Variants in AKR1C8 observed in about 807,000 individuals in gnomAD.
AKR1C8 encodes aldo-keto reductase family 1 member C8.
At chr10:5,120,915 GC>G in the AKR1C8 span, among the ~76,000 whole-genome samples, 1 of 152,032 alleles carries the variant, frequency 6.6e-6, no homozygotes, top group Non-Finnish European at 1.5e-5. Context: ...TTGCTAAGCA[GC>G]AAAATGAGCA....
chr10:5,169,358 T>C, the AKR1C8 span, among the ~76,000 whole-genome samples: 1 of 152,170 alleles, frequency 6.6e-6, no homozygotes, highest in Non-Finnish European at 1.5e-5. Flanking sequence ...GGGGAGACTT[T>C]CTTGGTGTTG....
the AKR1C8 span, among the ~76,000 whole-genome samples, chr10:5,124,223 T>G: frequency 1.3e-5 from 2 of 152,144 alleles, no homozygotes; most frequent in African/African-American, 4.8e-5. Flanking sequence ...TATAGGAATA[T>G]TACTAGTAAT....
the AKR1C8 span, among the ~76,000 whole-genome samples, chr10:5,143,098 C>T: frequency 6.6e-6 from 1 of 151,976 alleles, no homozygotes; most frequent in African/African-American, 2.4e-5. Context: ...CTGGGTGTAC[C>T]TGTGAGGATG....
the AKR1C8 span, among the ~76,000 whole-genome samples, chr10:5,117,434 T>C: frequency 3.9e-5 from 6 of 152,094 alleles, 1 homozygote; most frequent in Non-Finnish European, 7.4e-5. Flanking sequence ...TGGGGTAGGA[T>C]TGATACCCTC....
At chr10:5,124,156 G>A in the AKR1C8 span, among the ~76,000 whole-genome samples, 2 of 152,124 alleles carry the variant, frequency 1.3e-5, no homozygotes, top group Non-Finnish European at 2.9e-5. Flanking sequence ...GTGCCAGAAA[G>A]TAAAAATTTC....
the AKR1C8 span, among the ~76,000 whole-genome samples, chr10:5,174,252 T>A: frequency 7.0e-6 from 1 of 143,458 alleles, no homozygotes; most frequent in Non-Finnish European, 1.5e-5. Context: ...GTCTATAGAG[T>A]CATATATATG....
At chr10:5,168,127 C>T in the AKR1C8 span, among the ~76,000 whole-genome samples, 1 of 152,022 alleles carries the variant, frequency 6.6e-6, no homozygotes, top group Non-Finnish European at 1.5e-5. Context: ...TTAATACTAT[C>T]CAACAACTAG....
chr10:5,127,232 A>G, the AKR1C8 span, among the ~76,000 whole-genome samples: 1 of 152,146 alleles, frequency 6.6e-6, no homozygotes, highest in Non-Finnish European at 1.5e-5. Context: ...AAAAAAATTC[A>G]GGATATAAAT....
chr10:5,161,582 A>G, the AKR1C8 span: 11 of 415,166 alleles, frequency 2.6e-5, no homozygotes, highest in Non-Finnish European at 4.8e-5. Flanking sequence ...TGAGAAATAC[A>G]GTGCAATGCC....
the AKR1C8 span, among the ~76,000 whole-genome samples, chr10:5,164,378 C>T: frequency 6.6e-6 from 1 of 151,874 alleles, no homozygotes; most frequent in African/African-American, 2.4e-5. Context: ...TAACCTCACC[C>T]TTTGTGTCCA....
At chr10:5,151,993 A>G in the AKR1C8 span, among the ~76,000 whole-genome samples, 3 of 152,204 alleles carry the variant, frequency 2.0e-5, no homozygotes, top group Non-Finnish European at 4.4e-5. Context: ...GTCTGTACTC[A>G]TGCAGGCTGG....
the AKR1C8 span, among the ~76,000 whole-genome samples, chr10:5,164,408 T>C: frequency 1.5e-3 from 225 of 152,132 alleles, 1 homozygote; most frequent in African/African-American, 5.1e-3. Flanking sequence ...TGGTGGTAAG[T>C]CAAAAAACTT....
At chr10:5,150,000 C>T in the AKR1C8 span, among the ~76,000 whole-genome samples, 3 of 152,018 alleles carry the variant, frequency 2.0e-5, no homozygotes, top group Non-Finnish European at 2.9e-5. Context: ...AAAGAATCAG[C>T]AGTAATTTAA....
the AKR1C8 span, among the ~76,000 whole-genome samples, chr10:5,134,038 A>T: frequency 0.39 from 59,352 of 151,756 alleles, 12,370 homozygotes; most frequent in Non-Finnish European, 0.43. Flanking sequence ...GAAGATTTGA[A>T]AGGTACATTT....
chr10:5,159,192 G>T, the AKR1C8 span, among the ~76,000 whole-genome samples: 1 of 152,176 alleles, frequency 6.6e-6, no homozygotes, highest in African/African-American at 2.4e-5. Flanking sequence ...TAATTATGAT[G>T]AATGGAAAAT....
At chr10:5,142,014 G>T in the AKR1C8 span, among the ~76,000 whole-genome samples, 2 of 152,028 alleles carry the variant, frequency 1.3e-5, no homozygotes, top group Non-Finnish European at 2.9e-5. Flanking sequence ...ATTCAAAATC[G>T]ATTGCTTATT....
chr10:5,167,840 G>A, the AKR1C8 span, among the ~76,000 whole-genome samples: 2 of 151,972 alleles, frequency 1.3e-5, no homozygotes, highest in Non-Finnish European at 2.9e-5. Context: ...ACTGTAAAAT[G>A]ATACGTGATG....
chr10:5,126,101 C>G, the AKR1C8 span, among the ~76,000 whole-genome samples: 94 of 152,188 alleles, frequency 6.2e-4, no homozygotes, highest in Middle Eastern at 3.4e-3. Flanking sequence ...AAAGTCTAAA[C>G]CTCTACCACC....
At chr10:5,122,116 TG>T in the AKR1C8 span, 1 of 377,812 alleles carries the variant, frequency 2.6e-6, no homozygotes. Context: ...AGATTTCCGT[TG>T]AGGCTGTCAA....
Sources: gnomAD v4.1 joint callset for allele counts (sites outside exome capture counted in the v4.1 genomes callset) on GRCh38, gnomAD v4.1.1 for gene constraint, MANE v1.5 for transcripts, NCBI Gene and HGNC (gene_info 2026-07-23, HGNC 2026-07-21) for gene names.